The following SCAPER variants were observed in gnomAD, a reference collection of about 807,000 sequenced individuals.
SCAPER encodes S-phase cyclin A associated protein in the ER.
In SCAPER, 98 loss-of-function variants were observed where a neutral mutation model predicts 182.2. The ratio of observed to expected loss-of-function variants is 0.54; its 90% CI spans 0.46 to 0.64. The LOEUF (loss-of-function observed/expected upper bound fraction) is 0.64. Ranked by LOEUF, SCAPER falls within the 30% of genes least tolerant of loss-of-function variation. SCAPER has a pLI of 0.00. For synonymous variants in SCAPER, 605 were observed against 564.6 expected, an observed-to-expected ratio of 1.07 and a Z score of -1.01; for missense variants, 1,432 against 1,690.0, an observed-to-expected ratio of 0.85 and a Z score of 2.68.
At chr15:76,897,167 A>G (rs1316331703) in intron 1 of SCAPER, among the ~76,000 whole-genome samples, 1 of 152,210 alleles carries the variant, frequency 6.6e-6, no homozygotes, top group Non-Finnish European at 1.5e-5. Context: ...TTGATGGCAA[A>G]CAACCAGCAC....
At chr15:76,745,377 AG>A (rs1346335155) in intron 15 of SCAPER, among the ~76,000 whole-genome samples, 1 of 152,162 alleles carries the variant, frequency 6.6e-6, no homozygotes, top group Non-Finnish European at 1.5e-5. Context: ...TGAACCCGGG[AG>A]GCAGCTGTGT....
intron 18 of SCAPER, among the ~76,000 whole-genome samples, chr15:76,703,690 T>G (rs191261773): frequency 1.1e-4 from 16 of 152,306 alleles, no homozygotes; most frequent in Middle Eastern, 3.4e-3. Flanking sequence ...ACTCCTCATA[T>G]TAGACTAAGT....
At chr15:76,681,537 A>G (rs955124468) in intron 20 of SCAPER, among the ~76,000 whole-genome samples, 8 of 152,150 alleles carry the variant, frequency 5.3e-5, no homozygotes, top group Non-Finnish European at 8.8e-5. Context: ...TACTCTGAGT[A>G]GACTGTCAGG....
chr15:76,834,483 A>C (rs2068764396), intron 5 of SCAPER, among the ~76,000 whole-genome samples: 1 of 152,140 alleles, frequency 6.6e-6, no homozygotes, highest in Admixed American at 6.5e-5. Context: ...AAACTAGCAA[A>C]AGAAAATAAA....
chr15:76,511,871 G>A (rs868052230), intron 23 of SCAPER, among the ~76,000 whole-genome samples: 31 of 100,676 alleles, frequency 3.1e-4, no homozygotes, highest in African/African-American at 1.1e-3. Context: ...GTGTGTGTGT[G>A]TATATATATA....
chr15:76,652,373 T>TATAG lies in SCAPER; in HGVS notation c.2645+13279_2645+13280insCTAT, dbSNP rs1555519713. Among the ~76,000 whole-genome samples, 48 of 27,340 alleles carry TATAG rather than the reference T, an allele frequency of 1.8e-3. 5 individuals are homozygous for TATAG. In the East Asian group the frequency reaches 0.048, roughly 28 times the overall value. 17.9% of individuals were successfully genotyped at this position (27,340 alleles called of 152,430 possible). On this transcript the variant is annotated intron_variant, in intron 21 of 31. Transcript: ENST00000563290. ...ACACACACACACACACACACACACATATATATATATATATATATATATATA... is the reference window on the plus strand; with the variant it reads ...ACACACACACACACACACACACACATATAGATATATATATATATATATATATATA...
chr15:76,591,412 T>C (rs1033739826), intron 22 of SCAPER, among the ~76,000 whole-genome samples: 5 of 152,202 alleles, frequency 3.3e-5, no homozygotes, highest in African/African-American at 1.2e-4. Flanking sequence ...GAAAAATATA[T>C]GTGGACAACA....
At chr15:76,685,580 T>C (rs1249224565) in intron 20 of SCAPER, among the ~76,000 whole-genome samples, 4 of 152,102 alleles carry the variant, frequency 2.6e-5, no homozygotes, top group South Asian at 2.1e-4. Context: ...AAAGGCCTAA[T>C]TGAAATGTAA....
chr15:76,534,991 G>T (rs547456165), intron 23 of SCAPER, among the ~76,000 whole-genome samples: 92 of 152,002 alleles, frequency 6.1e-4, no homozygotes, highest in African/African-American at 2.2e-3. Context: ...TGGAATGGAG[G>T]TCACTGCAAA....
chr15:76,813,445 G>C lies in SCAPER; in HGVS notation c.394-8812C>G, dbSNP rs532587296. 2.0e-3 allele frequency among the ~76,000 whole-genome samples: 303 copies of C among 151,254 alleles called. 1 individual carries two copies. Among genetic ancestry groups the C allele is most frequent in the South Asian group, 4.0e-3 (19 of 4,794 alleles). The stretch of plus-strand genomic sequence containing the variant: ...AGTCAATGTAGTACTGAAAGTACTA[G>C]CAAGAGCAATCGGACCAAAAAAAAA... On this transcript the variant is annotated intron_variant, in intron 5 of 31. Transcript: ENST00000563290.
At chr15:76,567,464 G>C in intron 23 of SCAPER, 1 of 371,220 alleles carries the variant, frequency 2.7e-6, no homozygotes, top group Non-Finnish European at 5.5e-6. Flanking sequence ...CAGACTGTTT[G>C]CTACATGGTA....
At chr15:76,638,866 C>T (rs565717493) in intron 21 of SCAPER, among the ~76,000 whole-genome samples, 8 of 152,264 alleles carry the variant, frequency 5.3e-5, no homozygotes, top group Admixed American at 1.3e-4. Flanking sequence ...AAGCACTTTA[C>T]ATGAATTAAT....
At chr15:76,735,419 C>T (rs2061190340) in intron 15 of SCAPER, among the ~76,000 whole-genome samples, 2 of 151,928 alleles carry the variant, frequency 1.3e-5, no homozygotes, top group Non-Finnish European at 2.9e-5. Context: ...AACCTGTGGT[C>T]AGGCACGGTG....
intron 10 of SCAPER, among the ~76,000 whole-genome samples, chr15:76,768,499 G>C (rs1299334246): frequency 6.6e-6 from 1 of 152,122 alleles, no homozygotes; most frequent in Admixed American, 6.6e-5. Flanking sequence ...AAATTATATA[G>C]AGAGAAAGCA....
In SCAPER at chr15:76,665,653, C is replaced by T; in HGVS notation, c.2645G>A (p.Arg882Lys). Residue 882 changes from arginine to lysine, a missense_variant and splice_region_variant, in exon 21 of 32, where the codon AGG (arginine) becomes AAG (lysine). Physicochemically the swap from Arg to Lys is conservative, Grantham distance 26. Coordinates refer to ENST00000563290, the MANE Select transcript of SCAPER (RefSeq NM_020843.4). ...TTGCTTTTAAGGGTATTTAAGGTAC[C>T]TGAAGTTCATCCGGGCTTTTATCTT... ...AKKIKARMNF[R>K]AKEYESLMET... is the part of the protein sequence containing the mutation. 1 of 1,587,784 alleles carries T rather than the reference C, an allele frequency of 6.3e-7. No homozygotes were observed. Among genetic ancestry groups the T allele is most frequent in the Non-Finnish European group, 8.5e-7 (1 of 1,170,594 alleles).
intron 25 of SCAPER, among the ~76,000 whole-genome samples, chr15:76,462,755 C>G (rs2049289742): frequency 6.6e-6 from 1 of 152,100 alleles, no homozygotes; most frequent in Admixed American, 6.6e-5. Context: ...AAATCTGGCC[C>G]ATGTTCTTTT....
intron 2 of SCAPER, among the ~76,000 whole-genome samples, chr15:76,882,911 G>A (rs964388285): frequency 2.6e-5 from 4 of 152,272 alleles, no homozygotes; most frequent in South Asian, 2.1e-4. Context: ...TGATCCGCCC[G>A]TCTAGGCCTC....
At chr15:76,669,151 T>C (rs1221841994) in intron 20 of SCAPER, among the ~76,000 whole-genome samples, 1 of 152,032 alleles carries the variant, frequency 6.6e-6, no homozygotes, top group African/African-American at 2.4e-5. Flanking sequence ...TGGCTGGAAA[T>C]AGGTCTGAGC....
intron 29 of SCAPER, among the ~76,000 whole-genome samples, chr15:76,363,403 G>C (rs2041586866): frequency 6.6e-6 from 1 of 152,212 alleles, no homozygotes; most frequent in African/African-American, 2.4e-5. Flanking sequence ...AGAACAGTTA[G>C]CTGAGTATTT....
Sources: gnomAD v4.1 joint callset for allele counts (sites outside exome capture counted in the v4.1 genomes callset) on GRCh38, gnomAD v4.1.1 for gene constraint, MANE v1.5 for transcripts, NCBI Gene and HGNC (gene_info 2026-07-23, HGNC 2026-07-21) for gene names.